Variants in EHMT1 observed in about 807,000 individuals in gnomAD.
EHMT1 encodes histone-lysine N-methyltransferase EHMT1.
EHMT1 carries 15 observed loss-of-function variants against 147.2 expected under a neutral mutation model. That is an observed-to-expected ratio of 0.10 (90% confidence interval 0.07 to 0.16). The LOEUF (loss-of-function observed/expected upper bound fraction) is 0.16. Among genes scored for constraint, EHMT1 ranks in the 10% least tolerant of loss-of-function variants. The pLI is 1.00. For missense variants in EHMT1, 1,587 were observed against 1,772.4 expected, an observed-to-expected ratio of 0.90 and a Z score of 1.88; for synonymous variants, 795 against 709.6, an observed-to-expected ratio of 1.12 and a Z score of -1.91.
intron 1 of EHMT1, among the ~76,000 whole-genome samples, chr9:137,625,926 G>A (rs759245465): frequency 1.0e-3 from 158 of 151,446 alleles, no homozygotes; most frequent in Non-Finnish European, 1.8e-3. Context: ...GGCGATCTCG[G>A]CTCACTGCAA....
chr9:137,800,847 G>A (rs1454410565), intron 17 of EHMT1, 33 bp from the exon 18 acceptor site: 3 of 1,604,216 alleles, frequency 1.9e-6, no homozygotes, highest in Non-Finnish European at 1.7e-6. Context: ...CCGGTCTCTG[G>A]AGCGATGACA....
At chr9:137,640,515 G>A (rs1844408833) in intron 1 of EHMT1, among the ~76,000 whole-genome samples, 1 of 152,176 alleles carries the variant, frequency 6.6e-6, no homozygotes, top group Admixed American at 6.5e-5. Flanking sequence ...GGCCTCAAGT[G>A]ATCCTCCCAT....
At chr9:137,819,782 C>G (rs1030714600) in intron 25 of EHMT1, among the ~76,000 whole-genome samples, 2 of 151,912 alleles carry the variant, frequency 1.3e-5, no homozygotes, top group Non-Finnish European at 2.9e-5. Context: ...CCTTGTGTCC[C>G]CAGCCCACCC....
intron 2 of EHMT1, among the ~76,000 whole-genome samples, chr9:137,711,655 C>T (rs1256555957): frequency 2.6e-5 from 4 of 152,012 alleles, no homozygotes; most frequent in African/African-American, 7.3e-5. Context: ...GGGGAGTCGG[C>T]GGGGCTGCAC....
intron 6 of EHMT1, chr9:137,745,795 C>G (rs1296082845): frequency 8.4e-6 from 3 of 357,014 alleles, no homozygotes; most frequent in African/African-American, 2.1e-5. Flanking sequence ...CAGTGTAGCA[C>G]TTTGATGTCA....
rs111844132 is a variant in EHMT1, at chr9:137,781,033, G to A, written c.2276-1258G>A. Reference sequence around the variant, plus strand: ...GGATGTGTGGTGATGACGCCGAGACGTGTGGTGATGACGCCGAGACGTGTG... The same window carrying A: ...GGATGTGTGGTGATGACGCCGAGACATGTGGTGATGACGCCGAGACGTGTG... On this transcript the variant is annotated intron_variant, in intron 14 of 26. Transcript: ENST00000460843. 3.6e-3 allele frequency among the ~76,000 whole-genome samples: 493 copies of A among 137,860 alleles called. 30 individuals are homozygous for A. Among genetic ancestry groups the A allele is most frequent in the African/African-American group, 0.015 (460 of 30,290 alleles). 90.4% of individuals were successfully genotyped at this position (137,860 alleles called of 152,430 possible). A position where few individuals can be genotyped will look rare whatever the true frequency, so the allele number is the denominator to read the frequency against.
chr9:137,669,343 A>AAGACGCCCCCC (rs1564562442), intron 1 of EHMT1, among the ~76,000 whole-genome samples: 1 of 7,456 alleles, frequency 1.3e-4, no homozygotes, highest in Non-Finnish European at 2.5e-4. Context: ...CGTGGACCCC[A>AAGACGCCCCCC]CACCACCCAA....
Position 137,728,386 on chromosome 9 carries a change from C to T in EHMT1, c.680C>T (p.Ala227Val), listed in dbSNP as rs541099226. 2 of 1,614,078 alleles carry T rather than the reference C, an allele frequency of 1.2e-6. No homozygotes were observed. The highest frequency in any genetic ancestry group is 2.7e-5 in the African/African-American group (2 of 74,922). ...AAAGATCCCAGAGAAGTTCGAGAAG[C>T]TAGAGATCATAAGGAACCAAAAGAG... ...ASKDPREVREARDHKEPKEEI... is the reference protein window; with the variant it reads ...ASKDPREVREVRDHKEPKEEI... Residue 227 changes from alanine to valine, a missense_variant, in exon 4 of 27, where the codon GCT (alanine) becomes GTT (valine). Around this residue, in one of 7 missense-constraint regions of EHMT1, gnomAD observed 810 missense variants for 673.0 expected, o/e 1.20. Coordinates refer to ENST00000460843, the MANE Select transcript of EHMT1 (RefSeq NM_024757.5).
intron 1 of EHMT1, among the ~76,000 whole-genome samples, chr9:137,678,153 C>G (rs183214728): frequency 5.6e-4 from 86 of 152,228 alleles, no homozygotes; most frequent in African/African-American, 1.9e-3. Context: ...ATATAATCCA[C>G]TAATATAAAA....
chr9:137,638,925 AC>A (rs1192125732), intron 1 of EHMT1, among the ~76,000 whole-genome samples: 1 of 152,190 alleles, frequency 6.6e-6, no homozygotes, highest in Non-Finnish European at 1.5e-5. Context: ...ATTACAGACC[AC>A]AAGGCCTACT....
intron 1 of EHMT1, among the ~76,000 whole-genome samples, chr9:137,620,659 C>G (rs1024942680): frequency 2.6e-5 from 4 of 152,158 alleles, no homozygotes; most frequent in African/African-American, 9.7e-5. Flanking sequence ...TCCCTAAGTG[C>G]TAGGATTACA....
chr9:137,721,702 G>T (rs1380528244), intron 3 of EHMT1, among the ~76,000 whole-genome samples: 1 of 151,846 alleles, frequency 6.6e-6, no homozygotes, highest in African/African-American at 2.4e-5. Flanking sequence ...TGCTGTCGGT[G>T]TGTCATCTTT....
intron 1 of EHMT1, among the ~76,000 whole-genome samples, chr9:137,687,881 C>CT (rs1036669613): frequency 6.6e-6 from 1 of 152,272 alleles, no homozygotes; most frequent in African/African-American, 2.4e-5. Context: ...GTGTCACCGT[C>CT]TTCACGGTGT....
Position 137,784,170 on chromosome 9 carries a change from G to T in EHMT1, c.2382+1773G>T, listed in dbSNP as rs1302844094. The stretch of plus-strand genomic sequence containing the variant: ...TGGTGACTTATGGTGAGGACCTCGT[G>T]CTGTTCCCGAACACAGCCAGGAACC... On this transcript the variant is annotated intron_variant, in intron 15 of 26. Transcript: ENST00000460843. 5.9e-5 allele frequency: 91 copies of T among 1,551,200 alleles called. No individual in the cohort carries two copies. The East Asian group carries it at 2.2e-3, about 37-fold the overall frequency.
intron 1 of EHMT1, among the ~76,000 whole-genome samples, chr9:137,634,796 A>G (rs1299152641): frequency 7.3e-6 from 1 of 136,938 alleles, no homozygotes; most frequent in African/African-American, 2.7e-5. Flanking sequence ...TCTGCCTTCC[A>G]GGTTCACGCC....
intron 1 of EHMT1, among the ~76,000 whole-genome samples, chr9:137,668,722 CTTAG>C (rs1156231512): frequency 1.5e-5 from 2 of 135,986 alleles, no homozygotes; most frequent in Non-Finnish European, 3.0e-5. Context: ...TTTCACTTAA[CTTAG>C]TGTTTTCTTT....
chr9:137,641,000 T>G (rs921499950), intron 1 of EHMT1: 2 of 201,460 alleles, frequency 9.9e-6, no homozygotes, highest in Non-Finnish European at 2.0e-5. Flanking sequence ...GTGTGTTCTA[T>G]TAGTTATCTT....
chr9:137,784,422 T>G, intron 15 of EHMT1: 2 of 1,207,246 alleles, frequency 1.7e-6, no homozygotes. Context: ...CAATACTTTT[T>G]TGGTCGTTCG....
chr9:137,632,274 G>T (rs1843684981), intron 1 of EHMT1, among the ~76,000 whole-genome samples: 1 of 152,210 alleles, frequency 6.6e-6, no homozygotes, highest in Non-Finnish European at 1.5e-5. Context: ...GGCTAGGATG[G>T]TGCAGTAGAA....
Sources: gnomAD v4.1 joint callset for allele counts (sites outside exome capture counted in the v4.1 genomes callset) on GRCh38, gnomAD v4.1.1 for gene constraint, gnomAD v4.1.1 regional missense constraint, MANE v1.5 for transcripts, NCBI Gene and HGNC (gene_info 2026-07-23, HGNC 2026-07-21) for gene names.